ARHGEF38: variants seen among roughly 807,000 people sequenced by gnomAD.
ARHGEF38 encodes the protein Rho guanine nucleotide exchange factor 38.
A neutral mutation model predicts 79.9 loss-of-function variants in ARHGEF38; 79 were observed. The observed-to-expected ratio is 0.99, with a 90% confidence interval of 0.82 to 1.19. The LOEUF is 1.19. Among genes scored for constraint, ARHGEF38 ranks in the 50% most tolerant of loss-of-function variants. The pLI, the probability that ARHGEF38 is intolerant of heterozygous loss-of-function variation, is 0.00. For missense variants in ARHGEF38, 962 were observed against 907.2 expected, an observed-to-expected ratio of 1.06 and a Z score of -0.78; for synonymous variants, 366 against 328.3, an observed-to-expected ratio of 1.11 and a Z score of -1.24.
chr4:105,658,531 C>T (rs867375897), intron 9 of ARHGEF38, among the ~76,000 whole-genome samples: 2 of 152,124 alleles, frequency 1.3e-5, no homozygotes, highest in African/African-American at 2.4e-5. Flanking sequence ...ACATAAGCCT[C>T]CAGGGTAGCC....
At chr4:105,645,153 G>A (rs1456294717) in intron 5 of ARHGEF38, 35 bp from the exon 6 acceptor site, 2 of 1,265,238 alleles carry the variant, frequency 1.6e-6, no homozygotes, top group South Asian at 2.6e-5. Flanking sequence ...TAAAACATAT[G>A]TTTGTGAAAC....
At chr4:105,611,221 T>C (rs2110489070) in intron 2 of ARHGEF38, among the ~76,000 whole-genome samples, 1 of 152,262 alleles carries the variant, frequency 6.6e-6, no homozygotes, top group East Asian at 1.9e-4. Flanking sequence ...CTGTATGATT[T>C]ACTGCTGATA....
chr4:105,627,986 A>G (rs1393527688), intron 3 of ARHGEF38, among the ~76,000 whole-genome samples: 2 of 152,002 alleles, frequency 1.3e-5, no homozygotes, highest in South Asian at 2.1e-4. Flanking sequence ...TTTAACTTTA[A>G]TAATTATTAT....
At chr4:105,568,872 C>T (rs1188138500) in intron 1 of ARHGEF38, among the ~76,000 whole-genome samples, 1 of 152,062 alleles carries the variant, frequency 6.6e-6, no homozygotes, top group East Asian at 1.9e-4. Flanking sequence ...AGTGCATATT[C>T]CTGAAAATTA....
At chr4:105,638,045 A>T (rs938279074) in intron 5 of ARHGEF38, among the ~76,000 whole-genome samples, 2 of 152,098 alleles carry the variant, frequency 1.3e-5, no homozygotes, top group African/African-American at 4.8e-5. Flanking sequence ...AAGCACACAT[A>T]CTGCTACAGG....
chr4:105,589,540 T>C, intron 2 of ARHGEF38, 105 bp downstream of exon 2: 5 of 1,033,178 alleles, frequency 4.8e-6, no homozygotes, highest in Non-Finnish European at 6.9e-6. Context: ...GATGTGCCTT[T>C]CTCCCCAAAA....
rs187263425 is a variant in ARHGEF38 at position 105,676,025 on chromosome 4, G to T, written c.2149-1727G>T. ...TTTCCTTGGGGAGCAGCTCATATTA[G>T]TTGATAAATCAATATCCCAATCAAT... On this transcript the variant is annotated intron_variant, in intron 13 of 13. Transcript: ENST00000420470. Among the ~76,000 whole-genome samples, 3 of 152,324 alleles carry T rather than the reference G, an allele frequency of 2.0e-5. No individual in the cohort carries two copies. The East Asian group carries it at 5.8e-4, about 29-fold the overall frequency.
At chr4:105,640,820 A>G (rs959492241) in intron 5 of ARHGEF38, among the ~76,000 whole-genome samples, 1 of 152,166 alleles carries the variant, frequency 6.6e-6, no homozygotes, top group Non-Finnish European at 1.5e-5. Context: ...TCTAGCTTTC[A>G]GAGTTGCTAT....
At chr4:105,569,592 C>T (rs976078505) in intron 1 of ARHGEF38, among the ~76,000 whole-genome samples, 1 of 152,152 alleles carries the variant, frequency 6.6e-6, no homozygotes, top group African/African-American at 2.4e-5. Flanking sequence ...TTGAATTAAG[C>T]AATTTTCATG....
chr4:105,585,979 C>A (rs1227329950), intron 1 of ARHGEF38, among the ~76,000 whole-genome samples: 2 of 152,046 alleles, frequency 1.3e-5, no homozygotes, highest in Non-Finnish European at 1.5e-5. Flanking sequence ...GATCCACCCA[C>A]CTCGGCCTCC....
intron 2 of ARHGEF38, 109 bp from the exon 3 acceptor site, chr4:105,613,275 G>A (rs1252640238): frequency 1.5e-6 from 2 of 1,314,562 alleles, no homozygotes; most frequent in African/African-American, 1.5e-5. Context: ...TAACAGAAAT[G>A]GTTAATGGAG....
At chr4:105,557,338 G>A (rs184233429) in intron 1 of ARHGEF38, among the ~76,000 whole-genome samples, 1 of 151,958 alleles carries the variant, frequency 6.6e-6, no homozygotes, top group African/African-American at 2.4e-5. Flanking sequence ...ACTTTTTATT[G>A]AAAGTTACTA....
intron 1 of ARHGEF38, among the ~76,000 whole-genome samples, chr4:105,586,774 A>G (rs1385934461): frequency 1.3e-5 from 2 of 152,158 alleles, no homozygotes; most frequent in Non-Finnish European, 2.9e-5. Context: ...TTTCAAGGAA[A>G]CATTAAGTGA....
chr4:105,609,998 A>G (rs1374650861), intron 2 of ARHGEF38, among the ~76,000 whole-genome samples: 1 of 152,174 alleles, frequency 6.6e-6, no homozygotes, highest in Non-Finnish European at 1.5e-5. Flanking sequence ...AAAATGTGGT[A>G]CATATACACC....
At chr4:105,681,727 C>A (rs1244310051), downstream of ARHGEF38, among the ~76,000 whole-genome samples, 1 of 152,134 alleles carries the variant, frequency 6.6e-6, no homozygotes, top group Non-Finnish European at 1.5e-5. Flanking sequence ...AGGTCATCAT[C>A]AGGTCTGATT....
At chr4:105,673,850 A>C (rs1289297008) in intron 13 of ARHGEF38, among the ~76,000 whole-genome samples, 1 of 152,152 alleles carries the variant, frequency 6.6e-6, no homozygotes, top group African/African-American at 2.4e-5. Context: ...AAAACATATA[A>C]TTGTTAAGTG....
intron 5 of ARHGEF38, among the ~76,000 whole-genome samples, chr4:105,643,103 G>A (rs752868625): frequency 6.6e-6 from 1 of 150,536 alleles, no homozygotes; most frequent in Admixed American, 6.6e-5. Flanking sequence ...TACACCATCA[G>A]TTAGAAAATA....
At chr4:105,580,090 A>G (rs1726711422) in intron 1 of ARHGEF38, among the ~76,000 whole-genome samples, 1 of 116,736 alleles carries the variant, frequency 8.6e-6, no homozygotes, top group Non-Finnish European at 1.8e-5. Context: ...TGCCATTGCC[A>G]ATTGTGTTCA....
intron 6 of ARHGEF38, among the ~76,000 whole-genome samples, chr4:105,647,776 T>C (rs1174214751): frequency 6.6e-6 from 1 of 152,078 alleles, no homozygotes; most frequent in Admixed American, 6.6e-5. Flanking sequence ...GATAAATAAG[T>C]GAAGCTCAGA....
Sources: allele counts gnomAD v4.1 joint callset (sites outside exome capture counted in the v4.1 genomes callset), GRCh38; gene constraint gnomAD v4.1.1; transcripts MANE v1.5; gene names NCBI Gene and HGNC (gene_info 2026-07-23, HGNC 2026-07-21).